The following GMPS variants were observed in gnomAD, a reference collection of about 807,000 sequenced individuals.
GMPS encodes GMP synthase [glutamine-hydrolyzing].
A neutral mutation model predicts 77.9 loss-of-function variants in GMPS; 15 were observed. The observed-to-expected ratio is 0.19, with a 90% confidence interval of 0.13 to 0.30. The LOEUF (loss-of-function observed/expected upper bound fraction) is 0.30. GMPS is among the 10% of genes least tolerant of loss of function. GMPS has a pLI of 1.00. For synonymous variants in GMPS, 224 were observed against 275.9 expected (o/e 0.81, Z 1.86); for missense variants, 590 against 838.8 (o/e 0.70, Z 3.66).
At chr3:155,909,520 G>A (rs779985099) in intron 5 of GMPS, among the ~76,000 whole-genome samples, 4 of 152,168 alleles carry the variant, frequency 2.6e-5, no homozygotes, top group East Asian at 3.8e-4. Context: ...CTTAATGTAC[G>A]TCCTATACCT....
At chr3:155,912,213 A>G (rs1431253182) in intron 7 of GMPS, among the ~76,000 whole-genome samples, 3 of 152,210 alleles carry the variant, frequency 2.0e-5, no homozygotes, top group South Asian at 2.1e-4. Context: ...ACATGAGTCT[A>G]TTTTTTTGAA....
At position 155,943,289 on chromosome 3, in the gene GMPS, T is replaced by A. The variant is rs1653527098; in HGVS notation, c.*5597T>A. 1.7e-5 allele frequency: 3 copies of A among 180,958 alleles called. No homozygotes were observed. The highest frequency in any genetic ancestry group is 2.1e-3 in the Middle Eastern group (1 of 480). The allele number at this position is 180,958 out of a possible 1,614,324, so 11.2% of individuals were successfully genotyped here. Reference sequence around the variant, plus strand: ...ACCCTGTGGTGTCTTTTAACTTTGTTAAGGGCCCTTGGTTAGCAAAATTAT... The same window carrying A: ...ACCCTGTGGTGTCTTTTAACTTTGTAAAGGGCCCTTGGTTAGCAAAATTAT... On this transcript the variant is annotated 3_prime_UTR_variant, in exon 16 of 16. Transcript: ENST00000496455.
intron 1 of GMPS, among the ~76,000 whole-genome samples, chr3:155,881,330 G>T (rs1326902617): frequency 6.6e-6 from 1 of 151,814 alleles, no homozygotes; most frequent in East Asian, 1.9e-4. Flanking sequence ...GTGCCACCAT[G>T]CCCGGCTAAT....
At chr3:155,882,443 A>G (rs1024248163) in intron 1 of GMPS, among the ~76,000 whole-genome samples, 2 of 152,184 alleles carry the variant, frequency 1.3e-5, no homozygotes, top group African/African-American at 4.8e-5. Context: ...TTGTATGTTA[A>G]GCTGCATTAG....
chr3:155,923,857 G>A (rs1340745270), intron 11 of GMPS, among the ~76,000 whole-genome samples: 1 of 152,020 alleles, frequency 6.6e-6, no homozygotes, highest in Non-Finnish European at 1.5e-5. Context: ...GTGCAGTTAA[G>A]GTTGAGAACC....
At chr3:155,924,845 T>C (rs1260467226) in intron 11 of GMPS, among the ~76,000 whole-genome samples, 1 of 151,882 alleles carries the variant, frequency 6.6e-6, no homozygotes, top group Non-Finnish European at 1.5e-5. Flanking sequence ...TACCTAGGGA[T>C]AGTAGGAGTG....
intron 7 of GMPS, among the ~76,000 whole-genome samples, chr3:155,911,600 A>T (rs1365976276): frequency 6.6e-6 from 1 of 151,990 alleles, no homozygotes; most frequent in Non-Finnish European, 1.5e-5. Context: ...ACTTAGGGAG[A>T]TCAAGGTGGG....
At chr3:155,937,457 C>A (rs1755789839) in intron 15 of GMPS, 134 bp from the exon 16 acceptor site, 4 of 608,912 alleles carry the variant, frequency 6.6e-6, no homozygotes, top group South Asian at 6.4e-5. Flanking sequence ...TAAGATTAAT[C>A]AGAAACCATC....
chr3:155,925,458 G>A (rs1385245752), intron 12 of GMPS, 92 bp downstream of exon 12: 78 of 989,656 alleles, frequency 7.9e-5, no homozygotes, highest in Middle Eastern at 5.8e-4. Context: ...AGGCTGGAGC[G>A]CAGTGGCGTG....
At chr3:155,930,054 C>A (rs1289552221) in intron 12 of GMPS, among the ~76,000 whole-genome samples, 1 of 147,476 alleles carries the variant, frequency 6.8e-6, no homozygotes, top group Non-Finnish European at 1.5e-5. Context: ...ATCGCCAAGT[C>A]AATCCTAAGC....
At chr3:155,871,822 C>G (rs903206126) in intron 1 of GMPS, among the ~76,000 whole-genome samples, 2 of 152,250 alleles carry the variant, frequency 1.3e-5, no homozygotes, top group Non-Finnish European at 2.9e-5. Context: ...CGCTGCTGCT[C>G]ATCTCTCCTC....
intron 1 of GMPS, among the ~76,000 whole-genome samples, chr3:155,876,198 C>T (rs1007302407): frequency 1.3e-5 from 2 of 152,108 alleles, no homozygotes; most frequent in African/African-American, 4.8e-5. Flanking sequence ...TTATAATGGC[C>T]TCGAGGCTCC....
At chr3:155,879,537 G>A (rs1754157643) in intron 1 of GMPS, among the ~76,000 whole-genome samples, 1 of 152,024 alleles carries the variant, frequency 6.6e-6, no homozygotes, top group South Asian at 2.1e-4. Context: ...AAAGTGCTGG[G>A]ATTACAGGCA....
intron 5 of GMPS, among the ~76,000 whole-genome samples, chr3:155,907,705 T>C (rs911284181): frequency 2.0e-5 from 3 of 152,162 alleles, no homozygotes; most frequent in South Asian, 2.1e-4. Flanking sequence ...AGTGTTTACA[T>C]TGAAAAAATG....
chr3:155,931,904 G>C lies in GMPS; in HGVS notation c.1676+24G>C, dbSNP rs759907250. On this transcript the variant is annotated intron_variant, in intron 13 of 15. Coordinates refer to ENST00000496455, the MANE Select transcript of GMPS (RefSeq NM_003875.3). ...AGGTGTGTTTCACAGGAGCTAGGGT[G>C]GGGGCTTGTGTAATGGAAGGATGTA... 4.8e-6 allele frequency: 5 copies of C among 1,036,050 alleles called. No homozygotes were observed. In the South Asian group the frequency reaches 5.1e-5, roughly 11 times the overall value. The allele number at this position is 1,036,050 out of a possible 1,614,324, so 64.2% of individuals were successfully genotyped here. A position where few individuals can be genotyped will look rare whatever the true frequency, so the allele number is the denominator to read the frequency against.
At chr3:155,920,174 G>A (rs189333271) in intron 10 of GMPS, among the ~76,000 whole-genome samples, 1 of 152,296 alleles carries the variant, frequency 6.6e-6, no homozygotes, top group East Asian at 1.9e-4. Flanking sequence ...CAAAAGTTAT[G>A]CAGATTGAAA....
rs149357731 is a variant in GMPS, at chr3:155,897,650, A to G, written c.210-277A>G. Among the ~76,000 whole-genome samples the G allele has an allele frequency of 4.8e-4, 73 of 152,354 alleles. 1 individual carries two copies. Among genetic ancestry groups the G allele is most frequent in the African/African-American group, 1.7e-3 (71 of 41,580 alleles). On this transcript the variant is annotated intron_variant, in intron 2 of 15. Transcript: ENST00000496455. ...AACAAATCCATGCTAAGTATCACAGATAGAAACATTGGTATTATCTATTTG... is the reference window on the plus strand; with the variant it reads ...AACAAATCCATGCTAAGTATCACAGGTAGAAACATTGGTATTATCTATTTG...
intron 9 of GMPS, among the ~76,000 whole-genome samples, chr3:155,918,571 G>A (rs1387359965): frequency 6.6e-6 from 1 of 151,952 alleles, no homozygotes; most frequent in Non-Finnish European, 1.5e-5. Context: ...CTTGCTTATT[G>A]GCCATTTGTG....
upstream of GMPS, chr3:155,870,573 C>G (rs1346463388): frequency 1.1e-5 from 4 of 361,446 alleles, no homozygotes; most frequent in Admixed American, 9.7e-5. Flanking sequence ...CGGAGGGTAT[C>G]TGAGGCTCGG....
Sources: gnomAD v4.1 joint callset for allele counts (sites outside exome capture counted in the v4.1 genomes callset) on GRCh38, gnomAD v4.1.1 for gene constraint, MANE v1.5 for transcripts, NCBI Gene and HGNC (gene_info 2026-07-23, HGNC 2026-07-21) for gene names.